The following UCHL5 variants were observed in gnomAD, a reference collection of about 807,000 sequenced individuals.
UCHL5 encodes ubiquitin carboxyl-terminal hydrolase isozyme L5.
A neutral mutation model predicts 53.8 loss-of-function variants in UCHL5; 34 were observed. That is an observed-to-expected ratio of 0.63 (90% CI 0.48 to 0.84). UCHL5 has a LOEUF of 0.84. Ranked by LOEUF, UCHL5 falls within the 40% of genes least tolerant of loss-of-function variation. The probability of loss-of-function intolerance (pLI) is 0.00; values close to 1 mark genes in which losing one functional copy is unlikely to be tolerated. For missense variants in UCHL5, 290 were observed against 385.6 expected (o/e 0.75, Z 2.08); for synonymous variants, 111 against 126.3 (o/e 0.88, Z 0.81).
chr1:193,036,416 C>T (rs1249710219), intron 3 of UCHL5, among the ~76,000 whole-genome samples: 2 of 149,724 alleles, frequency 1.3e-5, no homozygotes, highest in Non-Finnish European at 3.0e-5. Context: ...CAGAGAAGGT[C>T]ACTACATAAT....
At chr1:193,036,599 G>A (rs184850435) in intron 3 of UCHL5, among the ~76,000 whole-genome samples, 1 of 152,062 alleles carries the variant, frequency 6.6e-6, no homozygotes, top group East Asian at 1.9e-4. Context: ...AGAAACATCA[G>A]AGGTTAACTA....
chr1:193,054,042 C>A (rs992197757), intron 1 of UCHL5, among the ~76,000 whole-genome samples: 20 of 147,078 alleles, frequency 1.4e-4, no homozygotes, highest in African/African-American at 5.0e-4. Flanking sequence ...AAAAAACTGT[C>A]ATGGATAAAT....
At chr1:193,031,074 A>G (rs1396170955) in intron 3 of UCHL5, among the ~76,000 whole-genome samples, 1 of 152,054 alleles carries the variant, frequency 6.6e-6, no homozygotes, top group African/African-American at 2.4e-5. Flanking sequence ...ACTTATACGA[A>G]TATGTATTTT....
At chr1:193,049,706 G>A (rs761780190) in intron 3 of UCHL5, 40 bp downstream of exon 3, 7 of 1,495,878 alleles carry the variant, frequency 4.7e-6, no homozygotes, top group Non-Finnish European at 6.4e-6. Flanking sequence ...TTATAAAAAG[G>A]GTTGCTCTTG....
rs770535470 is a variant in UCHL5 at position 193,029,164 on chromosome 1, C to A, written c.565+15G>T. The A allele has an allele frequency of 4.4e-6, 7 of 1,607,152 alleles. No homozygotes were observed. Among genetic ancestry groups the A allele is most frequent in the Non-Finnish European group, 5.9e-6 (7 of 1,177,122 alleles). On this transcript the variant is annotated intron_variant, in intron 6 of 10. Transcript: ENST00000367454. The stretch of plus-strand genomic sequence containing the variant: ...CCTGTCAAAAGTGAAATATCAGGAA[C>A]AGGAACTGCATTACCTAAATCAATC...
At chr1:193,056,435 TG>T (rs913968139) in intron 1 of UCHL5, among the ~76,000 whole-genome samples, 5 of 152,172 alleles carry the variant, frequency 3.3e-5, no homozygotes, top group African/African-American at 1.2e-4. Flanking sequence ...AAATGAAAGC[TG>T]GGGTCACTGG....
intron 10 of UCHL5, chr1:193,019,955 G>C: frequency 1.0e-6 from 1 of 982,580 alleles, no homozygotes; most frequent in Non-Finnish European, 1.2e-6. Flanking sequence ...AAAAACATTT[G>C]ATATGATTAA....
intron 10 of UCHL5, among the ~76,000 whole-genome samples, chr1:193,016,864 C>CT (rs1482968300): frequency 6.6e-6 from 1 of 151,650 alleles, no homozygotes; most frequent in Non-Finnish European, 1.5e-5. Context: ...TTGGTGTCAA[C>CT]AAACTTTATT....
intron 3 of UCHL5, among the ~76,000 whole-genome samples, chr1:193,038,980 C>T (rs901134010): frequency 6.6e-6 from 1 of 151,890 alleles, no homozygotes; most frequent in Non-Finnish European, 1.5e-5. Flanking sequence ...AGAGCAAGAC[C>T]CTGTCTCAAA....
At chr1:193,053,297 A>G (rs971946029) in intron 1 of UCHL5, among the ~76,000 whole-genome samples, 1 of 152,210 alleles carries the variant, frequency 6.6e-6, no homozygotes, top group African/African-American at 2.4e-5. Flanking sequence ...AAATCAAAAA[A>G]CAGGCCAAAC....
intron 10 of UCHL5, among the ~76,000 whole-genome samples, chr1:193,019,683 G>A (rs907838584): frequency 6.6e-6 from 1 of 151,608 alleles, no homozygotes; most frequent in Non-Finnish European, 1.5e-5. Flanking sequence ...TTATTCTAAT[G>A]TTAAGCTGAC....
chr1:193,040,564 T>C (rs1488266246), intron 3 of UCHL5, among the ~76,000 whole-genome samples: 1 of 152,158 alleles, frequency 6.6e-6, no homozygotes, highest in East Asian at 1.9e-4. Flanking sequence ...TTAGTATAGC[T>C]ACTATGGAAA....
chr1:193,043,026 C>T (rs138651613), intron 3 of UCHL5, among the ~76,000 whole-genome samples: 2,604 of 151,590 alleles, frequency 0.017, 33 homozygotes, highest in South Asian at 0.034. Context: ...TGTCTGAATA[C>T]GGAATTGAGA....
At chr1:193,054,545 G>A (rs1270092036) in intron 1 of UCHL5, among the ~76,000 whole-genome samples, 1 of 152,118 alleles carries the variant, frequency 6.6e-6, no homozygotes, top group Non-Finnish European at 1.5e-5. Flanking sequence ...CCTTAAACAA[G>A]GACTAGACTC....
At chr1:193,036,550 T>A (rs1663583499) in intron 3 of UCHL5, among the ~76,000 whole-genome samples, 1 of 151,952 alleles carries the variant, frequency 6.6e-6, no homozygotes, top group South Asian at 2.1e-4. Context: ...TACTACTATC[T>A]ACTCTCTCTG....
intron 3 of UCHL5, among the ~76,000 whole-genome samples, chr1:193,044,860 G>A (rs1165865266): frequency 6.6e-6 from 1 of 152,042 alleles, no homozygotes; most frequent in Non-Finnish European, 1.5e-5. Flanking sequence ...TATTAATGGG[G>A]AATTATTGAC....
chr1:193,019,983 A>G (rs534255004), intron 10 of UCHL5: 18 of 984,480 alleles, frequency 1.8e-5, no homozygotes, highest in Non-Finnish European at 1.9e-5. Context: ...ATATCTAGGT[A>G]TTCTTGTTAA....
rs76017576 is a variant in UCHL5 at position 193,013,803 on chromosome 1, G to C, written c.*2548C>G. ...ACAAATATGTACCATGGTCCTAACT[G>C]GGGGAGCAAGTCCCCGTGGTTGTGA... On this transcript the variant is annotated 3_prime_UTR_variant, in exon 11 of 11. Coordinates refer to ENST00000367454, the MANE Select transcript of UCHL5 (RefSeq NM_001199261.3). The C allele has an allele frequency of 4.6e-5, 7 of 152,054 alleles. No homozygotes were observed. The highest frequency in any genetic ancestry group is 1.4e-4 in the African/African-American group (6 of 41,416). 9.4% of individuals were successfully genotyped at this position (152,054 alleles called of 1,614,324 possible).
chr1:193,034,105 T>C (rs1662501445), intron 3 of UCHL5, among the ~76,000 whole-genome samples: 1 of 151,986 alleles, frequency 6.6e-6, no homozygotes, highest in African/African-American at 2.4e-5. Context: ...AAAGATTCAG[T>C]TTAAGTCAAT....
Sources: gnomAD v4.1 joint callset for allele counts (sites outside exome capture counted in the v4.1 genomes callset) on GRCh38, gnomAD v4.1.1 for gene constraint, MANE v1.5 for transcripts, NCBI Gene and HGNC (gene_info 2026-07-23, HGNC 2026-07-21) for gene names.